ANXA8: variants seen among roughly 807,000 people sequenced by gnomAD.
ANXA8 encodes the protein annexin A8, also known as VAC-beta.
In ANXA8, 9 loss-of-function variants were observed where a neutral mutation model predicts 26.8. The observed-to-expected ratio is 0.34, with a 90% CI of 0.20 to 0.59. The LOEUF (loss-of-function observed/expected upper bound fraction) is 0.59, where lower values mean the gene tolerates loss of function less well. ANXA8 is among the 20% of genes least tolerant of loss of function. The pLI, the probability that ANXA8 is intolerant of heterozygous loss-of-function variation, is 0.84. For missense variants in ANXA8, 83 were observed against 238.5 expected, an observed-to-expected ratio of 0.35 and a Z score of 4.29; for synonymous variants, 39 against 94.8, an observed-to-expected ratio of 0.41 and a Z score of 3.42.
chr10:47,691,533 T>C, the ANXA8 span, among the ~76,000 whole-genome samples: 2 of 145,450 alleles, frequency 1.4e-5, no homozygotes, highest in East Asian at 2.1e-4. Flanking sequence ...CCCAGCACTT[T>C]GGGAGGCTGA....
the ANXA8 span, among the ~76,000 whole-genome samples, chr10:47,771,571 T>G: frequency 1.3e-5 from 2 of 151,440 alleles, no homozygotes; most frequent in Non-Finnish European, 2.9e-5. Context: ...TATGGCAGGT[T>G]TTTTTTGTTG....
At chr10:47,907,137 C>T in the ANXA8 span, among the ~76,000 whole-genome samples, 2 of 151,724 alleles carry the variant, frequency 1.3e-5, no homozygotes, top group Admixed American at 6.6e-5. Flanking sequence ...GGGCGGATCA[C>T]GAGGTCAGGA....
At chr10:47,703,066 A>G in the ANXA8 span, among the ~76,000 whole-genome samples, 1 of 150,692 alleles carries the variant, frequency 6.6e-6, no homozygotes, top group Non-Finnish European at 1.5e-5. Flanking sequence ...TGCAAGAGCC[A>G]ACCTGAAGGA....
the ANXA8 span, among the ~76,000 whole-genome samples, chr10:47,575,118 C>T: frequency 2.9e-5 from 4 of 135,858 alleles, no homozygotes; most frequent in African/African-American, 8.9e-5. Context: ...GCAGGAGAAT[C>T]GCTTGAACCT....
chr10:47,705,907 C>T, the ANXA8 span, among the ~76,000 whole-genome samples: 69 of 149,746 alleles, frequency 4.6e-4, no homozygotes, highest in African/African-American at 1.5e-3. Flanking sequence ...AAAACGTCGC[C>T]CCGACGCACC....
At chr10:47,583,885 T>G in the ANXA8 span, among the ~76,000 whole-genome samples, 1 of 135,532 alleles carries the variant, frequency 7.4e-6, no homozygotes, top group African/African-American at 3.2e-5. Context: ...ATTAAGGGTG[T>G]AGAAGAATCT....
chr10:47,469,365 C>T (rs1369399460), intron 11 of ANXA8, among the ~76,000 whole-genome samples: 16 of 152,010 alleles, frequency 1.1e-4, no homozygotes, highest in African/African-American at 2.4e-4. Flanking sequence ...CGCACCCTGA[C>T]GGTGTGGCCG....
At chr10:47,649,246 A>G in the ANXA8 span, among the ~76,000 whole-genome samples, 2 of 150,942 alleles carry the variant, frequency 1.3e-5, no homozygotes, top group Non-Finnish European at 2.9e-5. Context: ...TGTAGCAAGA[A>G]TTAGTAATCA....
the ANXA8 span, among the ~76,000 whole-genome samples, chr10:47,508,029 G>A: frequency 2.3e-5 from 3 of 129,516 alleles, no homozygotes; most frequent in Non-Finnish European, 4.9e-5. Context: ...CAAGAAGCTG[G>A]GACTACAAGT....
the ANXA8 span, among the ~76,000 whole-genome samples, chr10:47,764,914 CTTT>C: frequency 4.5e-5 from 5 of 112,202 alleles, no homozygotes; most frequent in Non-Finnish European, 8.9e-5. Flanking sequence ...AACCATTTGT[CTTT>C]TAACTTTTTG....
At chr10:47,495,444 C>G in the ANXA8 span, among the ~76,000 whole-genome samples, 323 of 149,242 alleles carry the variant, frequency 2.2e-3, no homozygotes, top group Middle Eastern at 3.5e-3. Context: ...TGCCACCATG[C>G]CTTGCTAATT....
chr10:47,944,770 G>A, the ANXA8 span, among the ~76,000 whole-genome samples: 110 of 150,272 alleles, frequency 7.3e-4, 4 homozygotes, highest in Admixed American at 2.1e-3. Context: ...ACTGTGAGTC[G>A]ATTAAACCTT....
the ANXA8 span, among the ~76,000 whole-genome samples, chr10:47,950,719 C>T: frequency 6.6e-6 from 1 of 150,938 alleles, no homozygotes; most frequent in Non-Finnish European, 1.5e-5. Flanking sequence ...GAGCAACATG[C>T]TTTTAAATAA....
chr10:47,585,828 G>A, the ANXA8 span, among the ~76,000 whole-genome samples: 3 of 86,948 alleles, frequency 3.5e-5, no homozygotes, highest in South Asian at 8.5e-4. Context: ...TAGAACTGGT[G>A]AATGAATGAA....
At chr10:47,546,381 A>G in the ANXA8 span, among the ~76,000 whole-genome samples, 1 of 121,692 alleles carries the variant, frequency 8.2e-6, no homozygotes, top group African/African-American at 3.1e-5. Context: ...AAGAAAATAT[A>G]AGCAGATAAG....
chr10:47,679,018 G>C, the ANXA8 span, among the ~76,000 whole-genome samples: 1 of 122,616 alleles, frequency 8.2e-6, no homozygotes, highest in Admixed American at 9.0e-5. Flanking sequence ...ACTACAGCCT[G>C]GGCAACAGAG....
At chr10:47,528,556 TATAA>T in the ANXA8 span, among the ~76,000 whole-genome samples, 3 of 151,428 alleles carry the variant, frequency 2.0e-5, no homozygotes, top group Admixed American at 6.6e-5. Flanking sequence ...GGAGTTCAAT[TATAA>T]ATAAGTATAT....
the ANXA8 span, among the ~76,000 whole-genome samples, chr10:47,637,312 G>A: frequency 1.4e-5 from 2 of 147,224 alleles, no homozygotes; most frequent in Admixed American, 6.7e-5. Flanking sequence ...TGCAGCAGAT[G>A]TTAAGTATCC....
chr10:47,589,669 C>T, the ANXA8 span, among the ~76,000 whole-genome samples: 1 of 145,526 alleles, frequency 6.9e-6, no homozygotes, highest in African/African-American at 2.8e-5. Flanking sequence ...GATTTGGCTT[C>T]TCATTCTCGC....
Sources: gnomAD v4.1 joint callset for allele counts (sites outside exome capture counted in the v4.1 genomes callset) on GRCh38, gnomAD v4.1.1 for gene constraint, MANE v1.5 for transcripts, NCBI Gene and HGNC (gene_info 2026-07-23, HGNC 2026-07-21) for gene names.